BAX: variants seen among roughly 807,000 people sequenced by gnomAD.
The protein encoded by BAX is apoptosis regulator BAX.
A neutral mutation model predicts 26.8 loss-of-function variants in BAX; 21 were observed. The observed-to-expected ratio is 0.78, with a 90% CI of 0.56 to 1.13. BAX has a LOEUF of 1.13. Among genes scored for constraint, BAX ranks in the 50% most tolerant of loss-of-function variants. BAX has a pLI of 0.00. For missense variants in BAX, 236 were observed against 254.6 expected (o/e 0.93, Z 0.50); for synonymous variants, 110 against 101.8 (o/e 1.08, Z -0.49).
chr19:48,961,742 T>C lies in BAX; in HGVS notation c.*106T>C. On this transcript the variant is annotated 3_prime_UTR_variant, in exon 6 of 6. Transcript: ENST00000345358. ...GGCATTTTTCTTACTTTTGTAATTATTGGGGGGTGTGGGGAAGAGTGGTCT... is the reference window on the plus strand; with the variant it reads ...GGCATTTTTCTTACTTTTGTAATTACTGGGGGGTGTGGGGAAGAGTGGTCT... The C allele has an allele frequency of 1.1e-6, 1 of 908,856 alleles. No individual in the cohort carries two copies. The highest frequency in any genetic ancestry group is 1.6e-6 in the Non-Finnish European group (1 of 622,308). The allele number at this position is 908,856 out of a possible 1,614,324, so 56.3% of individuals were successfully genotyped here. A position where few individuals can be genotyped will look rare whatever the true frequency, so the allele number is the denominator to read the frequency against.
rs769766616 is a variant in BAX at position 48,956,237 on chromosome 19, C to G, written c.273C>G (p.Val91=). 5.0e-6 allele frequency: 8 copies of G among 1,590,978 alleles called. No individual in the cohort carries two copies. The highest frequency in any genetic ancestry group is 1.4e-5 in the African/African-American group (1 of 73,358). Residue 91 remains valine, a synonymous_variant, in exon 4 of 6, where the codon GTC becomes GTG. Coordinates refer to ENST00000345358, the MANE Select transcript of BAX (RefSeq NM_138761.4). ...AAVDTDSPRE[V]FFRVAADMFS... The stretch of plus-strand genomic sequence containing the variant: ...TGGACACAGACTCCCCCCGAGAGGT[C>G]TTTTTCCGAGTGGCAGCTGACATGT...
At chr19:48,955,016 C>T in intron 1 of BAX, 54 bp downstream of exon 1, 1 of 1,240,956 alleles carries the variant, frequency 8.1e-7, no homozygotes. Context: ...GCCGGCCCGT[C>T]CGGGATCCTT....
At chr19:48,959,329 G>A (rs537329156) in intron 4 of BAX, among the ~76,000 whole-genome samples, 9 of 125,450 alleles carry the variant, frequency 7.2e-5, no homozygotes, top group South Asian at 2.7e-4. Flanking sequence ...AGCCTGGAGC[G>A]ACAGAGTGAG....
In BAX at chr19:48,956,353, T is replaced by C. The variant is rs144896180; in HGVS notation, c.369+20T>C. ...CTCAAGGTGGGCAGCTGCAGGGCAG[T>C]GAGCCCAGGGATGCTCCCCCTCAGA... On this transcript the variant is annotated intron_variant, in intron 4 of 5. Coordinates refer to ENST00000345358, the MANE Select transcript of BAX (RefSeq NM_138761.4). 1.0e-3 allele frequency: 1,604 copies of C among 1,537,378 alleles called. 19 individuals are homozygous for C. In the African/African-American group the frequency reaches 0.02, roughly 19 times the overall value.
chr19:48,957,954 T>TGGTGGG (rs2038203404), intron 4 of BAX, among the ~76,000 whole-genome samples: 1 of 151,902 alleles, frequency 6.6e-6, no homozygotes, highest in African/African-American at 2.4e-5. Context: ...GGGGTGGTGG[T>TGGTGGG]GAAATGCTCC....
chr19:48,961,678 A>C lies in BAX; in HGVS notation c.*42A>C. 3 of 1,331,152 alleles carry C rather than the reference A, an allele frequency of 2.3e-6. No individual in the cohort carries two copies. Among genetic ancestry groups the C allele is most frequent in the East Asian group, 3.1e-5 (1 of 32,270 alleles). 82.5% of individuals were successfully genotyped at this position (1,331,152 alleles called of 1,614,324 possible). A position where few individuals can be genotyped will look rare whatever the true frequency, so the allele number is the denominator to read the frequency against. The stretch of plus-strand genomic sequence containing the variant: ...GGACTGTGTTTTTCCTCCATAAATT[A>C]TGGCATTTTTCTGGGAGGGGTGGGG... On this transcript the variant is annotated 3_prime_UTR_variant, in exon 6 of 6. Coordinates refer to ENST00000345358, the MANE Select transcript of BAX (RefSeq NM_138761.4).
intron 4 of BAX, among the ~76,000 whole-genome samples, chr19:48,958,088 G>GA (rs1440928482): frequency 1.2e-4 from 6 of 49,190 alleles, no homozygotes; most frequent in Non-Finnish European, 1.8e-4. Context: ...AGAGGTGCGG[G>GA]GGGGGCATTT....
At chr19:48,955,187 C>T (rs2038073754) in intron 1 of BAX, 2 of 518,884 alleles carry the variant, frequency 3.9e-6, no homozygotes, top group African/African-American at 2.0e-5. Context: ...CCTCGAGAAC[C>T]AGGGGATCTC....
intron 4 of BAX, chr19:48,960,422 G>A: frequency 6.1e-6 from 2 of 325,756 alleles, no homozygotes; most frequent in Non-Finnish European, 6.1e-6. Context: ...GGAGTGCAAT[G>A]GCGCAACCTC....
rs926553930 is a variant in BAX at position 48,961,707 on chromosome 19, G to C, written c.*71G>C. 1 of 1,292,130 alleles carries C rather than the reference G, an allele frequency of 7.7e-7. No homozygotes were observed. Among genetic ancestry groups the C allele is most frequent in the Non-Finnish European group, 1.1e-6 (1 of 923,992 alleles). 80.0% of individuals were successfully genotyped at this position (1,292,130 alleles called of 1,614,324 possible). ...CATTTTTCTGGGAGGGGTGGGGATT[G>C]GGGGACGTGGGCATTTTTCTTACTT... On this transcript the variant is annotated 3_prime_UTR_variant, in exon 6 of 6. Transcript: ENST00000345358.
At chr19:48,957,475 A>C (rs1380133376) in intron 4 of BAX, among the ~76,000 whole-genome samples, 3 of 151,004 alleles carry the variant, frequency 2.0e-5, no homozygotes, top group Non-Finnish European at 4.4e-5. Flanking sequence ...GAGTTTCGCC[A>C]TGTTGGCCAG....
intron 5 of BAX, chr19:48,961,250 C>CTT (rs371491785): frequency 2.5e-4 from 303 of 1,207,616 alleles, no homozygotes; most frequent in South Asian, 4.5e-4. Context: ...TAGCTCTTTC[C>CTT]TTTTTTTTTT....
chr19:48,954,909 C>G lies in BAX; in HGVS notation c.-20C>G. ...CCGCCCGCGCGGACCCGGCGAGAGG[C>G]GGCGGCGGGAGCGGCGGTGATGGAC... On this transcript the variant is annotated 5_prime_UTR_variant, in exon 1 of 6. Transcript: ENST00000345358. The G allele has an allele frequency of 3.3e-6, 4 of 1,230,432 alleles. No individual in the cohort carries two copies. The highest frequency in any genetic ancestry group is 4.1e-6 in the Non-Finnish European group (4 of 986,192). The allele number at this position is 1,230,432 out of a possible 1,614,324, so 76.2% of individuals were successfully genotyped here.
At chr19:48,961,347 A>T in intron 5 of BAX, 185 bp from the exon 6 acceptor site, 4 of 1,298,740 alleles carry the variant, frequency 3.1e-6, no homozygotes, top group Non-Finnish European at 4.1e-6. Context: ...TCAGCCTCTC[A>T]AAGTGCTGGG....
chr19:48,960,542 T>C lies in BAX; in HGVS notation c.370-268T>C, dbSNP rs577767446. Among the ~76,000 whole-genome samples, 9 of 152,304 alleles carry C rather than the reference T, an allele frequency of 5.9e-5. No homozygotes were observed. In the South Asian group the frequency reaches 1.5e-3, roughly 25 times the overall value. On this transcript the variant is annotated intron_variant, in intron 4 of 5. Transcript: ENST00000345358. Reference sequence around the variant, plus strand: ...CCACGCCCGGCTAATTTTGTATTTTTAGTAGAGATGGCATTACTCCGTATT... The same window carrying C: ...CCACGCCCGGCTAATTTTGTATTTTCAGTAGAGATGGCATTACTCCGTATT...
intron 5 of BAX, 176 bp from the exon 6 acceptor site, chr19:48,961,356 G>C: frequency 3.9e-6 from 5 of 1,275,658 alleles, no homozygotes; most frequent in Non-Finnish European, 5.3e-6. Flanking sequence ...CAAAGTGCTG[G>C]GATTACAGGT....
intron 5 of BAX, 189 bp downstream of exon 5, chr19:48,961,103 C>T: frequency 7.0e-6 from 11 of 1,575,554 alleles, no homozygotes; most frequent in Non-Finnish European, 9.5e-6. Flanking sequence ...TCTGATCAAT[C>T]CCCGATTCAT....
Position 48,957,265 on chromosome 19 carries a change from C to CTTTTTTTTTTTTT in BAX, c.369+947_369+959dup, listed in dbSNP as rs61415800. 5.6e-4 allele frequency among the ~76,000 whole-genome samples: 31 copies of CTTTTTTTTTTTTT among 54,938 alleles called. 4 individuals carry two copies. Among genetic ancestry groups the CTTTTTTTTTTTTT allele is most frequent in the East Asian group, 1.5e-3 (2 of 1,294 alleles). 36.0% of individuals were successfully genotyped at this position (54,938 alleles called of 152,430 possible). A position where few individuals can be genotyped will look rare whatever the true frequency, so the allele number is the denominator to read the frequency against. On this transcript the variant is annotated intron_variant, in intron 4 of 5. Coordinates refer to ENST00000345358, the MANE Select transcript of BAX (RefSeq NM_138761.4). ...GGCTGCTGGAAAGACTTTTTCTTTT[C>CTTTTTTTTTTTTT]TTTTTTTTTTTTTTTTTTTTTTTTT...
intron 4 of BAX, chr19:48,960,459 G>A: frequency 3.0e-6 from 1 of 332,832 alleles, no homozygotes; most frequent in Non-Finnish European, 5.9e-6. Flanking sequence ...CGCCTCCCGG[G>A]TTCAAGCAAT....
Sources: gnomAD v4.1 joint callset for allele counts (sites outside exome capture counted in the v4.1 genomes callset) on GRCh38, gnomAD v4.1.1 for gene constraint, MANE v1.5 for transcripts, NCBI Gene and HGNC (gene_info 2026-07-23, HGNC 2026-07-21) for gene names.